The following NLK variants were observed in gnomAD, a reference collection of about 807,000 sequenced individuals.
The protein encoded by NLK is serine/threonine-protein kinase NLK.
A neutral mutation model predicts 59.0 loss-of-function variants in NLK; 11 were observed. That is an observed-to-expected ratio of 0.19 (90% CI 0.12 to 0.31). The LOEUF (loss-of-function observed/expected upper bound fraction) is 0.31. Ranked by LOEUF, NLK falls within the 10% of genes least tolerant of loss-of-function variation. NLK has a pLI of 1.00. For synonymous variants in NLK, 235 were observed against 235.9 expected, an observed-to-expected ratio of 1.00 and a Z score of 0.03; for missense variants, 410 against 661.1, an observed-to-expected ratio of 0.62 and a Z score of 4.16.
intron 1 of NLK, among the ~76,000 whole-genome samples, chr17:28,046,548 A>G (rs1909059713): frequency 6.6e-6 from 1 of 152,224 alleles, no homozygotes; most frequent in Non-Finnish European, 1.5e-5. Flanking sequence ...TTCATAATGC[A>G]AAAACAAAAC....
At chr17:28,138,328 T>C (rs1005550156) in intron 3 of NLK, among the ~76,000 whole-genome samples, 3 of 152,156 alleles carry the variant, frequency 2.0e-5, no homozygotes, top group Non-Finnish European at 4.4e-5. Context: ...CTAAACTCAG[T>C]GGAAATGAGA....
At chr17:28,203,066 A>G in the NLK span, among the ~76,000 whole-genome samples, 1 of 152,124 alleles carries the variant, frequency 6.6e-6, no homozygotes, top group Non-Finnish European at 1.5e-5. Context: ...AGACACAGAG[A>G]AAAGAAAGCT....
At chr17:28,147,007 GCTT>G (rs1907284009) in intron 3 of NLK, among the ~76,000 whole-genome samples, 1 of 152,076 alleles carries the variant, frequency 6.6e-6, no homozygotes, top group Non-Finnish European at 1.5e-5. Flanking sequence ...TTTCAGTCAG[GCTT>G]CTTTGTTCAT....
At chr17:28,186,278 T>C (rs1567740970) in intron 8 of NLK, among the ~76,000 whole-genome samples, 2 of 152,156 alleles carry the variant, frequency 1.3e-5, no homozygotes, top group African/African-American at 4.8e-5. Flanking sequence ...CAGCAAAGAT[T>C]AGGGATAAAA....
intron 7 of NLK, among the ~76,000 whole-genome samples, chr17:28,176,368 TA>T (rs1908681564): frequency 6.6e-6 from 1 of 152,232 alleles, no homozygotes; most frequent in Non-Finnish European, 1.5e-5. Context: ...TTTAAGTAAT[TA>T]CTCAAAGTTA....
intron 5 of NLK, 132 bp downstream of exon 5, chr17:28,163,760 A>G (rs570121302): frequency 1.7e-6 from 1 of 599,268 alleles, no homozygotes; most frequent in East Asian, 2.9e-5. Flanking sequence ...TTTTCTCCAT[A>G]TCACTACTCA....
chr17:28,096,063 G>A (rs748656198), intron 1 of NLK, among the ~76,000 whole-genome samples: 4 of 152,144 alleles, frequency 2.6e-5, no homozygotes, highest in Non-Finnish European at 5.9e-5. Context: ...TCATGATGAC[G>A]TCTTGCTTAT....
rs369270686 is a variant in NLK, at chr17:28,184,905, G to A, written c.1150-274G>A. Among the ~76,000 whole-genome samples, 85 of 152,248 alleles carry A rather than the reference G, an allele frequency of 5.6e-4. 1 individual carries two copies. Among genetic ancestry groups the A allele is most frequent in the African/African-American group, 1.9e-3 (81 of 41,546 alleles). On this transcript the variant is annotated intron_variant, in intron 7 of 10. Transcript: ENST00000407008. Reference sequence around the variant, plus strand: ...GGAGGTTGCAGTGAACCAAGATGGCGCCACTGCACCCTAGCCTGGGTGAGA... The same window carrying A: ...GGAGGTTGCAGTGAACCAAGATGGCACCACTGCACCCTAGCCTGGGTGAGA...
At chr17:28,052,210 A>G (rs1454980002) in intron 1 of NLK, among the ~76,000 whole-genome samples, 2 of 152,184 alleles carry the variant, frequency 1.3e-5, no homozygotes, top group African/African-American at 2.4e-5. Context: ...TTAGTTTCTT[A>G]TAAGTCTTAC....
chr17:28,148,135 A>G (rs958587517), intron 3 of NLK, among the ~76,000 whole-genome samples: 1 of 152,124 alleles, frequency 6.6e-6, no homozygotes, highest in Non-Finnish European at 1.5e-5. Context: ...TATATTTTTA[A>G]CTTTGATCTC....
intron 1 of NLK, among the ~76,000 whole-genome samples, chr17:28,056,604 CTCTGATTAAATGTTT>C: frequency 6.6e-6 from 1 of 152,174 alleles, no homozygotes; most frequent in East Asian, 1.9e-4. Flanking sequence ...GGGCCAGTGA[CTCTGATTAAATGTTT>C]TCTGATTAAA....
chr17:28,148,094 A>C (rs1198863769), intron 3 of NLK, among the ~76,000 whole-genome samples: 2 of 152,176 alleles, frequency 1.3e-5, no homozygotes, highest in African/African-American at 4.8e-5. Context: ...AGAAATTGTT[A>C]ATTTTTACTG....
At chr17:28,163,447 T>G (rs1476569372) in intron 4 of NLK, 96 bp from the exon 5 acceptor site, 1 of 705,654 alleles carries the variant, frequency 1.4e-6, no homozygotes, top group East Asian at 2.8e-5. Flanking sequence ...GGGAACAATT[T>G]TAAATCCTCT....
intron 3 of NLK, among the ~76,000 whole-genome samples, chr17:28,155,329 G>C (rs1907657206): frequency 6.6e-6 from 1 of 152,152 alleles, no homozygotes; most frequent in Admixed American, 6.5e-5. Context: ...TACACTGCTG[G>C]TGGGAGTATA....
At chr17:28,074,413 T>A (rs768086586) in intron 1 of NLK, among the ~76,000 whole-genome samples, 32 of 152,270 alleles carry the variant, frequency 2.1e-4, no homozygotes, top group South Asian at 1.0e-3. Flanking sequence ...TTTTAAAAAA[T>A]TTTTTTAAAT....
Position 28,094,298 on chromosome 17 carries a change from G to A in NLK, c.459-28305G>A, listed in dbSNP as rs148292583. Among the ~76,000 whole-genome samples the A allele has an allele frequency of 7.9e-5, 12 of 152,314 alleles. No individual in the cohort carries two copies. The East Asian group carries it at 2.3e-3, about 29-fold the overall frequency. ...TTACCCACGTAGTTTGAGAGATGAT[G>A]TCAGATTGCTTTTGTCTTAAGAACC... On this transcript the variant is annotated intron_variant, in intron 1 of 10. Transcript: ENST00000407008.
At chr17:28,095,047 T>C (rs1374986685) in intron 1 of NLK, among the ~76,000 whole-genome samples, 1 of 152,174 alleles carries the variant, frequency 6.6e-6, no homozygotes, top group Non-Finnish European at 1.5e-5. Context: ...GTGGAGAATG[T>C]AGTCTCCTTA....
rs1904788938 is a variant in NLK at position 28,098,654 on chromosome 17, GA to G, written c.459-23945del. ...TTTCCCAGTTATTTTTCACAACTAT[GA>G]AAAGTTTTTCATTACCATTCTTTTT... On this transcript the variant is annotated intron_variant, in intron 1 of 10. Coordinates refer to ENST00000407008, the MANE Select transcript of NLK (RefSeq NM_016231.5). Among the ~76,000 whole-genome samples the G allele has an allele frequency of 2.1e-5, 3 of 143,052 alleles. No homozygotes were observed. The South Asian group carries it at 6.9e-4, about 33-fold the overall frequency. The allele number at this position is 143,052 out of a possible 152,430, so 93.8% of individuals were successfully genotyped here.
Position 28,137,279 on chromosome 17 carries a change from T to C in NLK, c.644+4604T>C, listed in dbSNP as rs1906793517. Among the ~76,000 whole-genome samples, 3 of 152,336 alleles carry C rather than the reference T, an allele frequency of 2.0e-5. No individual in the cohort carries two copies. The South Asian group carries it at 6.2e-4, about 32-fold the overall frequency. On this transcript the variant is annotated intron_variant, in intron 3 of 10. Coordinates refer to ENST00000407008, the MANE Select transcript of NLK (RefSeq NM_016231.5). ...TTTTTGAGGTCTGTATGAAGTGCTA[T>C]TGTTTTAGGCAAGTTCTTAGTATAT...
Sources: gnomAD v4.1 joint callset for allele counts (sites outside exome capture counted in the v4.1 genomes callset) on GRCh38, gnomAD v4.1.1 for gene constraint, MANE v1.5 for transcripts, NCBI Gene and HGNC (gene_info 2026-07-23, HGNC 2026-07-21) for gene names.